The following CLVS1 variants were observed in gnomAD, a reference collection of about 807,000 sequenced individuals.
CLVS1 encodes the protein clavesin-1.
CLVS1 carries 10 observed loss-of-function variants against 33.1 expected under a neutral mutation model. The ratio of observed to expected loss-of-function variants is 0.30; its 90% CI spans 0.19 to 0.51. CLVS1 has a LOEUF of 0.51. CLVS1 is among the 20% of genes least tolerant of loss of function. The probability of loss-of-function intolerance (pLI) is 0.97; values close to 1 mark genes in which losing one functional copy is unlikely to be tolerated. For synonymous variants in CLVS1, 163 were observed against 166.1 expected (o/e 0.98, Z 0.14); for missense variants, 343 against 433.4 (o/e 0.79, Z 1.85).
At chr8:61,008,393 T>C in the CLVS1 span, among the ~76,000 whole-genome samples, 2 of 151,802 alleles carry the variant, frequency 1.3e-5, no homozygotes, top group South Asian at 2.1e-4. Context: ...AAATGTGTTT[T>C]CTAAATTAGA....
At chr8:61,374,406 C>T (rs748896313) in intron 2 of CLVS1, among the ~76,000 whole-genome samples, 4 of 152,168 alleles carry the variant, frequency 2.6e-5, no homozygotes, top group Admixed American at 6.5e-5. Flanking sequence ...AAGCTTATCT[C>T]GGCTCAGACT....
At chr8:61,224,929 C>G (rs192305372) in intron 2 of CLVS1, among the ~76,000 whole-genome samples, 1 of 152,164 alleles carries the variant, frequency 6.6e-6, no homozygotes, top group Non-Finnish European at 1.5e-5. Context: ...AAGTGCACCA[C>G]GAATTCTCTT....
chr8:60,971,146 A>AGC, the CLVS1 span, among the ~76,000 whole-genome samples: 1 of 138,926 alleles, frequency 7.2e-6, no homozygotes, highest in East Asian at 2.1e-4. Context: ...GCACAATCAC[A>AGC]GCTCACTGCA....
intron 5 of CLVS1, among the ~76,000 whole-genome samples, chr8:61,485,673 T>C (rs909346368): frequency 5.9e-5 from 9 of 152,232 alleles, no homozygotes; most frequent in Non-Finnish European, 1.3e-4. Flanking sequence ...CTATTCACAA[T>C]AGCAAAGACT....
the CLVS1 span, among the ~76,000 whole-genome samples, chr8:60,969,850 C>T: frequency 6.6e-6 from 1 of 151,854 alleles, no homozygotes; most frequent in East Asian, 1.9e-4. Context: ...TCTATAGAGC[C>T]TTTACATTGC....
At chr8:61,202,913 T>A (rs1439115937) in intron 2 of CLVS1, 8 of 1,125,644 alleles carry the variant, frequency 7.1e-6, no homozygotes, top group Non-Finnish European at 1.1e-5. Context: ...GAAGAAAAAG[T>A]GCCAGTGAAG....
intron 2 of CLVS1, among the ~76,000 whole-genome samples, chr8:61,336,252 TCTCAGGAGTAATGGGGGTCTG>T (rs1459407191): frequency 2.0e-5 from 3 of 152,190 alleles, no homozygotes; most frequent in Non-Finnish European, 4.4e-5. Context: ...CACATTTCCT[TCTCAGGAGTAATGGGGGTCTG>T]CTTTGTTATT....
Position 61,499,664 on chromosome 8 carries a change from C to A in CLVS1, c.*122C>A. On this transcript the variant is annotated 3_prime_UTR_variant, in exon 6 of 6. Transcript: ENST00000325897. ...CTGCTTGACACAAGGTCCTCCACTC[C>A]TGAACCCCTGCAGTGACTGTCACCA... is the stretch of plus-strand genomic sequence containing the variant. 1.6e-6 allele frequency: 1 copy of A among 635,558 alleles called. No homozygotes were observed. Among genetic ancestry groups the A allele is most frequent in the Non-Finnish European group, 2.8e-6 (1 of 355,984 alleles). 39.4% of individuals were successfully genotyped at this position (635,558 alleles called of 1,614,324 possible).
chr8:61,018,829 G>A, the CLVS1 span, among the ~76,000 whole-genome samples: 1 of 152,222 alleles, frequency 6.6e-6, no homozygotes, highest in Non-Finnish European at 1.5e-5. Flanking sequence ...TGTCTACAAT[G>A]TTTTGCTCCT....
At chr8:61,380,203 G>A (rs938776913) in intron 3 of CLVS1, among the ~76,000 whole-genome samples, 1 of 152,128 alleles carries the variant, frequency 6.6e-6, no homozygotes, top group Non-Finnish European at 1.5e-5. Context: ...CTAGCAAGCA[G>A]GGGACAGTGT....
chr8:61,385,028 T>C (rs998901241), intron 3 of CLVS1, among the ~76,000 whole-genome samples: 2 of 151,800 alleles, frequency 1.3e-5, no homozygotes, highest in African/African-American at 4.8e-5. Flanking sequence ...GAAAGGAAGA[T>C]AACTCTGCTA....
At chr8:61,448,596 C>T (rs752063023) in intron 3 of CLVS1, among the ~76,000 whole-genome samples, 16 of 151,912 alleles carry the variant, frequency 1.1e-4, no homozygotes, top group African/African-American at 3.6e-4. Context: ...TCCAGATGAG[C>T]CAGGCACAGT....
At chr8:61,488,009 A>G (rs1489259089) in intron 5 of CLVS1, among the ~76,000 whole-genome samples, 2 of 152,310 alleles carry the variant, frequency 1.3e-5, no homozygotes, top group South Asian at 2.1e-4. Context: ...GGATGCTGTG[A>G]AACTGACTGG....
At chr8:61,190,630 G>A (rs995132665) in intron 2 of CLVS1, among the ~76,000 whole-genome samples, 1 of 152,098 alleles carries the variant, frequency 6.6e-6, no homozygotes, top group Non-Finnish European at 1.5e-5. Context: ...CCTCTAGCAA[G>A]ACTATTAAAG....
intron 1 of CLVS1, among the ~76,000 whole-genome samples, chr8:61,110,001 C>G (rs1805597675): frequency 6.6e-6 from 1 of 152,170 alleles, no homozygotes; most frequent in South Asian, 2.1e-4. Flanking sequence ...GTTTATGAAA[C>G]AGAAAACAGA....
At chr8:61,112,280 T>C (rs1805642852) in intron 1 of CLVS1, among the ~76,000 whole-genome samples, 1 of 152,104 alleles carries the variant, frequency 6.6e-6, no homozygotes, top group Non-Finnish European at 1.5e-5. Flanking sequence ...TGTAAAGTTA[T>C]AGAATAAGGC....
chr8:61,286,364 G>C (rs1162775149), upstream of CLVS1, among the ~76,000 whole-genome samples: 1 of 152,126 alleles, frequency 6.6e-6, no homozygotes, highest in East Asian at 1.9e-4. Context: ...AAATATCTTA[G>C]CCCCTATGGA....
intron 2 of CLVS1, among the ~76,000 whole-genome samples, chr8:61,197,118 G>C (rs1341397346): frequency 6.6e-6 from 1 of 152,166 alleles, no homozygotes; most frequent in Non-Finnish European, 1.5e-5. Context: ...TCTCTCCTAT[G>C]CATCAAGAAT....
intron 2 of CLVS1, among the ~76,000 whole-genome samples, chr8:61,193,627 C>T (rs72654678): frequency 0.07 from 10,688 of 151,740 alleles, 488 homozygotes; most frequent in East Asian, 0.15. Flanking sequence ...AGAAAACAAC[C>T]GCCAACTAAA....
Sources: allele counts gnomAD v4.1 joint callset (sites outside exome capture counted in the v4.1 genomes callset), GRCh38; gene constraint gnomAD v4.1.1; transcripts MANE v1.5; gene names NCBI Gene and HGNC (gene_info 2026-07-23, HGNC 2026-07-21).